DACT3: variants seen among roughly 807,000 people sequenced by gnomAD.
The protein encoded by DACT3 is dapper homolog 3.
In DACT3, 5 loss-of-function variants were observed where a neutral mutation model predicts 19.6. The ratio of observed to expected loss-of-function variants is 0.26; its 90% CI spans 0.13 to 0.54. DACT3 has a LOEUF of 0.54. Ranked by LOEUF, DACT3 falls within the 20% of genes least tolerant of loss-of-function variation. The pLI is 0.95. For synonymous variants in DACT3, 454 were observed against 428.1 expected, an observed-to-expected ratio of 1.06 and a Z score of -0.75; for missense variants, 908 against 927.4, an observed-to-expected ratio of 0.98 and a Z score of 0.27.
intron 3 of DACT3, chr19:46,650,856 G>A (rs959968671): frequency 6.6e-6 from 1 of 151,690 alleles, no homozygotes; most frequent in African/African-American, 2.4e-5. Flanking sequence ...TATCTGCTAG[G>A]TCCACTCCCC....
Position 46,660,545 on chromosome 19 carries a change from G to T in DACT3, c.249+271C>A. 5 of 487,542 alleles carry T rather than the reference G, an allele frequency of 1.0e-5. No individual in the cohort carries two copies. Among genetic ancestry groups the T allele is most frequent in the Non-Finnish European group, 1.7e-5 (5 of 294,828 alleles). The allele number at this position is 487,542 out of a possible 1,614,324, so 30.2% of individuals were successfully genotyped here. A position where few individuals can be genotyped will look rare whatever the true frequency, so the allele number is the denominator to read the frequency against. ...TTTGACACATACTTGGCGCCCACAA[G>T]GATTTTCTTTGGGGAAGGGGTGTAA... On this transcript the variant is annotated intron_variant, in intron 1 of 3. Coordinates refer to ENST00000391916, the MANE Select transcript of DACT3 (RefSeq NM_145056.3). The surrounding 1 kb of genome is among the most constrained non-coding windows in gnomAD (Gnocchi z 4.9).
At chr19:46,653,537 A>C (rs200757250) in intron 1 of DACT3, among the ~76,000 whole-genome samples, 3 of 67,180 alleles carry the variant, frequency 4.5e-5, no homozygotes, top group African/African-American at 1.5e-4. Context: ...TTCTTTTTTT[A>C]TTTTTATTTA....
chr19:46,659,927 G>T (rs2053062384), intron 1 of DACT3, among the ~76,000 whole-genome samples: 1 of 152,206 alleles, frequency 6.6e-6, no homozygotes, highest in African/African-American at 2.4e-5. Context: ...CACAGAGACA[G>T]AGAGACAGGA....
chr19:46,653,252 T>A (rs1404547366), intron 1 of DACT3, among the ~76,000 whole-genome samples, 177 bp from the exon 2 acceptor site: 1 of 152,136 alleles, frequency 6.6e-6, no homozygotes, highest in Non-Finnish European at 1.5e-5. Flanking sequence ...TTCATCCCCA[T>A]TAGAAAGTCC....
rs761762456 is a variant in DACT3, at chr19:46,649,276, C to G, written c.1096G>C (p.Ala366Pro). 65 of 1,211,226 alleles carry G rather than the reference C, an allele frequency of 5.4e-5. 1 individual carries two copies. The South Asian group carries it at 1.9e-3, about 35-fold the overall frequency. 75.0% of individuals were successfully genotyped at this position (1,211,226 alleles called of 1,614,324 possible). A position where few individuals can be genotyped will look rare whatever the true frequency, so the allele number is the denominator to read the frequency against. The change falls in exon 4 of 4, where the codon GCC becomes CCC. Residue 366 changes from alanine (A) to proline (P), a missense_variant. Physicochemically the swap from Ala to Pro is conservative, Grantham distance 27. Around this residue, in one of 2 missense-constraint regions of DACT3, gnomAD observed 656 missense variants for 601.8 expected, o/e 1.09. Transcript: ENST00000391916. ...KAQYIPGAQA[A>P]TRGLPGRAAR... ...GCGCGGCCAGGGAGGCCTCGGGTGGCCGCCTGCGCGCCCGGGATGTACTGC... is the reference window on the plus strand; with the variant it reads ...GCGCGGCCAGGGAGGCCTCGGGTGGGCGCCTGCGCGCCCGGGATGTACTGC...
intron 1 of DACT3, among the ~76,000 whole-genome samples, chr19:46,656,570 G>A (rs1179252221): frequency 6.6e-6 from 1 of 152,004 alleles, no homozygotes; most frequent in Non-Finnish European, 1.5e-5. Flanking sequence ...GGCTTGTCTC[G>A]AACTCCTGGG....
intron 3 of DACT3, 94 bp from the exon 4 acceptor site, chr19:46,649,966 T>TTGCC (rs1310503149): frequency 1.2e-5 from 15 of 1,253,700 alleles, no homozygotes; most frequent in Non-Finnish European, 1.5e-5. Context: ...AAGGGGCGGG[T>TTGCC]TGCCTCCCTC....
chr19:46,654,521 T>C lies in DACT3; in HGVS notation c.250-1446A>G, dbSNP rs146268983. 2.0e-4 allele frequency: 197 copies of C among 973,474 alleles called. No homozygotes were observed. In the African/African-American group the frequency reaches 2.9e-3, roughly 14 times the overall value. 60.3% of individuals were successfully genotyped at this position (973,474 alleles called of 1,614,324 possible). A position where few individuals can be genotyped will look rare whatever the true frequency, so the allele number is the denominator to read the frequency against. On this transcript the variant is annotated intron_variant, in intron 1 of 3. Transcript: ENST00000391916. ...AGGAAAAAAGAAAAAGAAATTTCCA[T>C]GAGTCTACCCTGGATCCTTCTTGCT...
At chr19:46,657,327 G>C (rs1393251156) in intron 1 of DACT3, among the ~76,000 whole-genome samples, 1 of 143,470 alleles carries the variant, frequency 7.0e-6, no homozygotes, top group Non-Finnish European at 1.5e-5. Flanking sequence ...GGAGGTTATT[G>C]TGAGGATTAA....
chr19:46,651,919 A>C (rs2052990186), intron 3 of DACT3: 1 of 152,050 alleles, frequency 6.6e-6, no homozygotes, highest in Admixed American at 6.6e-5. Context: ...TTTGAGATGG[A>C]GTCTCACTCT....
At chr19:46,652,444 G>A in intron 3 of DACT3, 1 of 577,378 alleles carries the variant, frequency 1.7e-6, no homozygotes, top group Admixed American at 3.2e-5. Context: ...CTCCCAAAGT[G>A]CTGGGATTAC....
intron 1 of DACT3, among the ~76,000 whole-genome samples, chr19:46,658,085 T>G (rs2053045818): frequency 6.6e-6 from 1 of 151,724 alleles, no homozygotes; most frequent in African/African-American, 2.4e-5. Context: ...AGAGCAAGAT[T>G]CTGTCTCAAT....
intron 3 of DACT3, chr19:46,651,525 A>G (rs931476142): frequency 6.6e-6 from 1 of 152,126 alleles, no homozygotes; most frequent in Non-Finnish European, 1.5e-5. Context: ...TCAAAAACTT[A>G]CTTGTATGAA....
intron 1 of DACT3, chr19:46,654,715 G>T: frequency 1.0e-6 from 1 of 985,432 alleles, no homozygotes; most frequent in Non-Finnish European, 1.2e-6. Context: ...AAAGCGGCTT[G>T]TCTGGACCGC....
At position 46,648,401 on chromosome 19, in the gene DACT3, A is replaced by C. The variant is rs2052939023; in HGVS notation, c.*81T>G. ...AAGCAGAGAAAACGATGGTCTTTGGAAGGTAGATGTGGAAGGGTCAGTGGT... is the reference window on the plus strand; with the variant it reads ...AAGCAGAGAAAACGATGGTCTTTGGCAGGTAGATGTGGAAGGGTCAGTGGT... On this transcript the variant is annotated 3_prime_UTR_variant, in exon 4 of 4. Transcript: ENST00000391916. The surrounding 1 kb of genome is among the most constrained non-coding windows in gnomAD (Gnocchi z 5.1). 1 of 1,595,950 alleles carries C rather than the reference A, an allele frequency of 6.3e-7. No individual in the cohort carries two copies. The highest frequency in any genetic ancestry group is 1.1e-5 in the South Asian group (1 of 89,316).
chr19:46,660,540 C>A lies in DACT3; in HGVS notation c.249+276G>T, dbSNP rs555883360. ...TCGGGTTTGACACATACTTGGCGCC[C>A]ACAAGGATTTTCTTTGGGGAAGGGG... On this transcript the variant is annotated intron_variant, in intron 1 of 3. Coordinates refer to ENST00000391916, the MANE Select transcript of DACT3 (RefSeq NM_145056.3). This position sits in a 1 kb window ranked among gnomAD's most constrained non-coding sequence, Gnocchi z 4.9. 2.1e-4 allele frequency: 98 copies of A among 475,072 alleles called. No individual in the cohort carries two copies. Among genetic ancestry groups the A allele is most frequent in the African/African-American group, 8.7e-4 (43 of 49,152 alleles). 29.4% of individuals were successfully genotyped at this position (475,072 alleles called of 1,614,324 possible).
In DACT3 at chr19:46,649,011, G is replaced by A; in HGVS notation, c.1361C>T (p.Pro454Leu). 1 of 1,269,374 alleles carries A rather than the reference G, an allele frequency of 7.9e-7. No individual in the cohort carries two copies. The highest frequency in any genetic ancestry group is 9.9e-7 in the Non-Finnish European group (1 of 1,009,380). The allele number at this position is 1,269,374 out of a possible 1,614,324, so 78.6% of individuals were successfully genotyped here. A position where few individuals can be genotyped will look rare whatever the true frequency, so the allele number is the denominator to read the frequency against. Residue 454 changes from proline (P) to leucine (L), a missense_variant, in exon 4 of 4, where the codon CCT becomes CTT. Physicochemically the swap from Pro to Leu is moderately conservative, Grantham distance 98. Around this residue, in one of 2 missense-constraint regions of DACT3, gnomAD observed 656 missense variants for 601.8 expected, o/e 1.09. Transcript: ENST00000391916. The stretch of plus-strand genomic sequence containing the variant: ...CGCTGGGCCGCGGCGTGGCCGTGGA[G>A]GCCGAGGCTCTTCCCGCTCCGCCGT... ...YPTAEREEPR[P>L]PRPRRGPAPT...
rs1374564986 is a variant in DACT3 at position 46,649,308 on chromosome 19, A to G, written c.1064T>C (p.Val355Ala). The G allele has an allele frequency of 1.6e-6, 2 of 1,231,900 alleles. No individual in the cohort carries two copies. Among genetic ancestry groups the G allele is most frequent in the East Asian group, 3.7e-5 (1 of 26,684 alleles). The allele number at this position is 1,231,900 out of a possible 1,614,324, so 76.3% of individuals were successfully genotyped here. A position where few individuals can be genotyped will look rare whatever the true frequency, so the allele number is the denominator to read the frequency against. Residue 355 changes from valine to alanine, a missense_variant, in exon 4 of 4, where the codon GTG (valine) becomes GCG (alanine). By Grantham distance (64) the Val-to-Ala change is moderately conservative (BLOSUM62 0). Transcript: ENST00000391916. Reference protein sequence around the residue: ...PPDSPAEGRLVKAQYIPGAQA... With the variant: ...PPDSPAEGRLAKAQYIPGAQA... ...CGCGCCCGGGATGTACTGCGCCTTC[A>G]CCAAGCGGCCCTCAGCCGGGCTGTC...
In DACT3 at chr19:46,649,370, G is replaced by A. The variant is rs1354737234; in HGVS notation, c.1002C>T (p.Pro334=). Residue 334 remains proline, a synonymous_variant, in exon 4 of 4, where the codon CCC becomes CCT. Coordinates refer to ENST00000391916, the MANE Select transcript of DACT3 (RefSeq NM_145056.3). ...WASSWESEAA[P]EPAAPPAAPS... is the part of the protein sequence containing the mutation. ...GGGCGGCGGGCGGCGCAGCGGGCTC[G>A]GGTGCCGCCTCCGACTCCCACGACG... 2 of 1,268,888 alleles carry A rather than the reference G, an allele frequency of 1.6e-6. No homozygotes were observed. The highest frequency in any genetic ancestry group is 2.0e-6 in the Non-Finnish European group (2 of 1,001,364). The allele number at this position is 1,268,888 out of a possible 1,614,324, so 78.6% of individuals were successfully genotyped here.
Sources: gnomAD v4.1 joint callset for allele counts (sites outside exome capture counted in the v4.1 genomes callset) on GRCh38, gnomAD v4.1.1 for gene constraint, gnomAD v4.1.1 regional missense constraint, Gnocchi (gnomAD v3.1) non-coding constraint, MANE v1.5 for transcripts, NCBI Gene and HGNC (gene_info 2026-07-23, HGNC 2026-07-21) for gene names.